CYP4F8: variants seen among roughly 807,000 people sequenced by gnomAD.
CYP4F8 encodes cytochrome P450 4F8.
A neutral mutation model predicts 55.0 loss-of-function variants in CYP4F8; 56 were observed. The observed-to-expected ratio is 1.02, with a 90% CI of 0.82 to 1.27. The LOEUF is 1.27. Ranked by LOEUF, CYP4F8 falls within the 50% of genes most tolerant of loss-of-function variation. The probability of loss-of-function intolerance (pLI) is 0.00; values close to 1 mark genes in which losing one functional copy is unlikely to be tolerated. For synonymous variants in CYP4F8, 288 were observed against 267.3 expected, an observed-to-expected ratio of 1.08 and a Z score of -0.76; for missense variants, 680 against 682.4, an observed-to-expected ratio of 1.00 and a Z score of 0.04.
chr19:15,628,839 C>T lies in CYP4F8; in HGVS notation c.1393C>T (p.Pro465Ser), dbSNP rs1417823573. 2 of 1,598,350 alleles carry T rather than the reference C, an allele frequency of 1.3e-6. No individual in the cohort carries two copies. The highest frequency in any genetic ancestry group is 1.1e-5 in the South Asian group (1 of 89,734). The change falls in exon 12 of 13, where the codon CCC becomes TCC. Residue 465 changes from proline to serine, a missense_variant. Pro to Ser is a moderately conservative substitution (Grantham distance 74, BLOSUM62 -1). Transcript: ENST00000612078. ...PMAFIPFSAG[P>S]RNCIGQKFAM... Reference sequence around the variant, plus strand: ...GGCTTTTATTCCTTTCTCGGCGGGGCCCAGGTGAGGCCAGGGGGTGTCTGA... The same window carrying T: ...GGCTTTTATTCCTTTCTCGGCGGGGTCCAGGTGAGGCCAGGGGGTGTCTGA...
At chr19:15,623,059 T>C in intron 6 of CYP4F8, 46 bp from the exon 7 acceptor site, 1 of 1,581,222 alleles carries the variant, frequency 6.3e-7, no homozygotes. Context: ...TCCCAGGCTT[T>C]CATGTGGGTA....
chr19:15,617,990 T>C lies in CYP4F8; in HGVS notation c.199-10T>C, dbSNP rs759179544. ...GACACAGGAGGTGATGGCCCTTGCC[T>C]TGCTTGCAGGTCACTCCCACAGAGG... On this transcript the variant is annotated splice_polypyrimidine_tract_variant and intron_variant, in intron 2 of 12. Transcript: ENST00000612078. 6.2e-7 allele frequency: 1 copy of C among 1,612,928 alleles called. No individual in the cohort carries two copies. Among genetic ancestry groups the C allele is most frequent in the African/African-American group, 1.3e-5 (1 of 74,920 alleles).
chr19:15,615,845 C>G (rs758249902), intron 2 of CYP4F8, 31 bp downstream of exon 2: 4 of 1,582,158 alleles, frequency 2.5e-6, no homozygotes, highest in Non-Finnish European at 2.6e-6. Context: ...TCTAGTGTCT[C>G]AGGGTGGAAG....
In CYP4F8 at chr19:15,623,729, G is replaced by A. The variant is rs768439849; in HGVS notation, c.949G>A (p.Asp317Asn). Residue 317 changes from aspartate (D) to asparagine (N), a missense_variant, in exon 8 of 13, where the codon GAC (aspartate) becomes AAC (asparagine). Transcript: ENST00000612078. ...DKNGKELSDE[D>N]IRAEADTFMF... ...AAATGGTAAAGAGTTGTCAGATGAG[G>A]ACATAAGAGCAGAAGCTGACACTTT... is the stretch of plus-strand genomic sequence containing the variant. The A allele has an allele frequency of 3.1e-6, 5 of 1,614,104 alleles. No individual in the cohort carries two copies. Among genetic ancestry groups the A allele is most frequent in the Non-Finnish European group, 3.4e-6 (4 of 1,180,028 alleles).
rs1478359882 is a variant in CYP4F8 at position 15,629,422 on chromosome 19, A to G, written c.*64A>G. 8.1e-6 allele frequency: 12 copies of G among 1,484,082 alleles called. No individual in the cohort carries two copies. Among genetic ancestry groups the G allele is most frequent in the Non-Finnish European group, 1.1e-5 (12 of 1,115,762 alleles). The allele number at this position is 1,484,082 out of a possible 1,614,324, so 91.9% of individuals were successfully genotyped here. A position where few individuals can be genotyped will look rare whatever the true frequency, so the allele number is the denominator to read the frequency against. On this transcript the variant is annotated 3_prime_UTR_variant, in exon 13 of 13. Coordinates refer to ENST00000612078, the MANE Select transcript of CYP4F8 (RefSeq NM_007253.4). ...ACCTTTGCACCAACTACCTTTTCAG[A>G]TTTCCGGTAATAAATCTGTGTTGGC...
chr19:15,629,410 C>CCTTCAAT lies in CYP4F8; in HGVS notation c.*52_*53insCTTCAAT. 1 of 1,513,194 alleles carries CCTTCAAT rather than the reference C, an allele frequency of 6.6e-7. No homozygotes were observed. Among genetic ancestry groups the CCTTCAAT allele is most frequent in the South Asian group, 1.3e-5 (1 of 76,518 alleles). The allele number at this position is 1,513,194 out of a possible 1,614,324, so 93.7% of individuals were successfully genotyped here. A position where few individuals can be genotyped will look rare whatever the true frequency, so the allele number is the denominator to read the frequency against. On this transcript the variant is annotated 3_prime_UTR_variant, in exon 13 of 13. Transcript: ENST00000612078. ...TTTGCATCACCTACCTTTGCACCAA[C>CCTTCAAT]TACCTTTTCAGATTTCCGGTAATAA...
At position 15,629,498 on chromosome 19, in the gene CYP4F8, G is replaced by T; in HGVS notation, c.*140G>T. Reference sequence around the variant, plus strand: ...CCAGTAGGGGGCGCTGGAGGACTGCGGGGATCTAGGGCCTGGCTGGGAAGA... The same window carrying T: ...CCAGTAGGGGGCGCTGGAGGACTGCTGGGATCTAGGGCCTGGCTGGGAAGA... On this transcript the variant is annotated 3_prime_UTR_variant, in exon 13 of 13. Coordinates refer to ENST00000612078, the MANE Select transcript of CYP4F8 (RefSeq NM_007253.4). 8.3e-7 allele frequency: 1 copy of T among 1,204,580 alleles called. No homozygotes were observed. Among genetic ancestry groups the T allele is most frequent in the Non-Finnish European group, 1.1e-6 (1 of 896,858 alleles). 74.6% of individuals were successfully genotyped at this position (1,204,580 alleles called of 1,614,324 possible). A position where few individuals can be genotyped will look rare whatever the true frequency, so the allele number is the denominator to read the frequency against.
intron 9 of CYP4F8, among the ~76,000 whole-genome samples, chr19:15,626,666 T>C (rs1263726063): frequency 1.3e-5 from 2 of 151,948 alleles, no homozygotes; most frequent in Admixed American, 6.6e-5. Context: ...TCTCTGAATC[T>C]CTTATCTCTC....
At position 15,623,195 on chromosome 19, in the gene CYP4F8, G is replaced by T; in HGVS notation, c.738G>T (p.Leu246=). The part of the protein sequence containing the change: ...NNQFFRYKDF[L]YFLTPCGRRF... ...AGTTCTTCCGGTACAAGGACTTCCT[G>T]TACTTCCTCACTCCCTGTGGACGGC... is the stretch of plus-strand genomic sequence containing the variant. Residue 246 remains leucine, a synonymous_variant, in exon 7 of 13, where the codon CTG becomes CTT. Coordinates refer to ENST00000612078, the MANE Select transcript of CYP4F8 (RefSeq NM_007253.4). The T allele has an allele frequency of 6.2e-7, 1 of 1,614,098 alleles. No homozygotes were observed. The highest frequency in any genetic ancestry group is 8.5e-7 in the Non-Finnish European group (1 of 1,180,016).
intron 2 of CYP4F8, among the ~76,000 whole-genome samples, chr19:15,616,388 T>A (rs1375729455): frequency 6.6e-6 from 1 of 152,116 alleles, no homozygotes; most frequent in East Asian, 1.9e-4. Context: ...CCCTAGACTG[T>A]TTTGAATTCT....
chr19:15,629,327 G>C lies in CYP4F8; in HGVS notation c.1532G>C (p.Gly511Ala). ...TPEIVLRAED[G>A]LWLRVEPLG ...GAGATTGTTTTGCGTGCGGAGGACGGACTTTGGCTGCGAGTAGAACCCCTG... is the reference window on the plus strand; with the variant it reads ...GAGATTGTTTTGCGTGCGGAGGACGCACTTTGGCTGCGAGTAGAACCCCTG... Residue 511 changes from glycine to alanine, a missense_variant, in exon 13 of 13, where the codon GGA (glycine) becomes GCA (alanine). By Grantham distance (60) the Gly-to-Ala change is moderately conservative. Coordinates refer to ENST00000612078, the MANE Select transcript of CYP4F8 (RefSeq NM_007253.4). The C allele has an allele frequency of 6.2e-7, 1 of 1,612,284 alleles. No individual in the cohort carries two copies. The highest frequency in any genetic ancestry group is 2.2e-5 in the East Asian group (1 of 44,854).
At position 15,622,253 on chromosome 19, in the gene CYP4F8, C is replaced by A; in HGVS notation, c.560C>A (p.Thr187Asn). Reference protein sequence around the residue: ...KWQRLAMEGSTCLDVFEHISL... With the variant: ...KWQRLAMEGSNCLDVFEHISL... ...CAACGCCTGGCCATGGAGGGCAGCA[C>A]CTGTCTGGATGTGTTTGAGCACATC... The change falls in exon 6 of 13, where the codon ACC (threonine) becomes AAC (asparagine). Residue 187 changes from threonine (T) to asparagine (N), a missense_variant. Transcript: ENST00000612078. 6.2e-7 allele frequency: 1 copy of A among 1,613,738 alleles called. No individual in the cohort carries two copies. Among genetic ancestry groups the A allele is most frequent in the Non-Finnish European group, 8.5e-7 (1 of 1,179,846 alleles).
chr19:15,629,175 T>C lies in CYP4F8; in HGVS notation c.1398-18T>C. ...TCTGGGTCCTGGGTGCAGTCAGACC[T>C]TCCACCTTGGCCCCCAGGAACTGCA... On this transcript the variant is annotated intron_variant, in intron 12 of 12. Transcript: ENST00000612078. 1 of 1,587,216 alleles carries C rather than the reference T, an allele frequency of 6.3e-7. No homozygotes were observed. Among genetic ancestry groups the C allele is most frequent in the Non-Finnish European group, 8.6e-7 (1 of 1,167,058 alleles).
chr19:15,629,119 G>C, intron 12 of CYP4F8, 74 bp from the exon 13 acceptor site: 5 of 1,497,792 alleles, frequency 3.3e-6, no homozygotes, highest in South Asian at 1.3e-5. Flanking sequence ...TGGGGGTTCC[G>C]GGCCTGGTTC....
At chr19:15,622,383 G>T in intron 6 of CYP4F8, 43 bp downstream of exon 6, 4 of 1,593,506 alleles carry the variant, frequency 2.5e-6, no homozygotes, top group South Asian at 1.1e-5. Flanking sequence ...ATGGAGTGGG[G>T]GTGTGGGTGT....
chr19:15,620,723 C>T (rs1972182670), intron 5 of CYP4F8, among the ~76,000 whole-genome samples: 1 of 152,178 alleles, frequency 6.6e-6, no homozygotes, highest in Admixed American at 6.5e-5. Context: ...TTATCATTTT[C>T]ACCACATTCT....
At chr19:15,618,289 G>T (rs1254769162) in intron 3 of CYP4F8, 145 bp downstream of exon 3, 2 of 1,239,142 alleles carry the variant, frequency 1.6e-6, no homozygotes, top group South Asian at 2.5e-5. Flanking sequence ...TTTCCTTCCT[G>T]TAGTCACCAA....
Position 15,625,383 on chromosome 19 carries a change from G to GTA in CYP4F8, c.1115+1300_1115+1301dup, listed in dbSNP as rs528992969. ...TAGTGTATATATATATAGTGTTTGT[G>GTA]TATATATATATACACACACACATAC... is the stretch of plus-strand genomic sequence containing the variant. On this transcript the variant is annotated intron_variant, in intron 9 of 12. Transcript: ENST00000612078. Among the ~76,000 whole-genome samples the GTA allele has an allele frequency of 2.1e-3, 302 of 146,944 alleles. 1 individual carries two copies. Among genetic ancestry groups the GTA allele is most frequent in the Middle Eastern group, 7.6e-3 (2 of 262 alleles).
At chr19:15,619,283 T>G in intron 3 of CYP4F8, 1 of 573,530 alleles carries the variant, frequency 1.7e-6, no homozygotes, top group Non-Finnish European at 3.1e-6. Context: ...CATGTCAGGG[T>G]GTATCATTGC....
Sources: allele counts gnomAD v4.1 joint callset (sites outside exome capture counted in the v4.1 genomes callset), GRCh38; gene constraint gnomAD v4.1.1; transcripts MANE v1.5; gene names NCBI Gene and HGNC (gene_info 2026-07-23, HGNC 2026-07-21).